Variants in CCL20 observed in about 807,000 individuals in gnomAD.
CCL20 encodes the protein C-C motif chemokine 20.
In CCL20, 8 loss-of-function variants were observed where a neutral mutation model predicts 10.8. The observed-to-expected ratio is 0.74, with a 90% CI of 0.44 to 1.34. The LOEUF (loss-of-function observed/expected upper bound fraction) is 1.34. Ranked by LOEUF, CCL20 falls within the 40% of genes most tolerant of loss-of-function variation. The pLI is 0.01. For synonymous variants in CCL20, 40 were observed against 39.4 expected, an observed-to-expected ratio of 1.02 and a Z score of -0.06; for missense variants, 107 against 117.9, an observed-to-expected ratio of 0.91 and a Z score of 0.43.
intron 3 of CCL20, 146 bp from the exon 4 acceptor site, chr2:227,816,916 C>T (rs555496207): frequency 1.3e-4 from 86 of 666,852 alleles, no homozygotes; most frequent in Non-Finnish European, 2.2e-4. Flanking sequence ...CCTCTCTAAA[C>T]CTCAATTTCC....
At chr2:227,814,045 C>A in intron 1 of CCL20, 58 bp downstream of exon 1, 1 of 1,475,352 alleles carries the variant, frequency 6.8e-7, no homozygotes, top group Non-Finnish European at 9.5e-7. Flanking sequence ...TTCCTTTTAG[C>A]CTTGAGCTCA....
At chr2:227,816,952 A>G (rs1214579452) in intron 3 of CCL20, 110 bp from the exon 4 acceptor site, 1 of 786,258 alleles carries the variant, frequency 1.3e-6, no homozygotes, top group African/African-American at 1.7e-5. Context: ...GCTGCTTGAC[A>G]TACTGAGTTG....
At chr2:227,814,278 G>C (rs1689988922) in intron 1 of CCL20, among the ~76,000 whole-genome samples, 1 of 152,122 alleles carries the variant, frequency 6.6e-6, no homozygotes, top group Admixed American at 6.5e-5. Context: ...TATAAAGTGT[G>C]TAATGTTACC....
chr2:227,813,860 C>CAAAG lies in CCL20; in HGVS notation c.-49_-46dup. ...TGCTGTCAGAATATAACAGCACTCC[C>CAAAG]AAAGAACTGGGTACTCAACACTGAG... On this transcript the variant is annotated 5_prime_UTR_variant, in exon 1 of 4. Transcript: ENST00000358813. The CAAAG allele has an allele frequency of 7.1e-7, 1 of 1,414,656 alleles. No homozygotes were observed. The highest frequency in any genetic ancestry group is 1.0e-6 in the Non-Finnish European group (1 of 998,584). The allele number at this position is 1,414,656 out of a possible 1,614,324, so 87.6% of individuals were successfully genotyped here.
chr2:227,815,320 T>C (rs989892679), intron 1 of CCL20, 134 bp from the exon 2 acceptor site: 4 of 538,162 alleles, frequency 7.4e-6, no homozygotes, highest in Admixed American at 6.8e-5. Context: ...TTGAAACTCC[T>C]CCTCTAAGTG....
In CCL20 at chr2:227,815,517, T is replaced by C; in HGVS notation, c.140T>C (p.Val47Ala). 1.2e-6 allele frequency: 2 copies of C among 1,612,590 alleles called. No homozygotes were observed. Among genetic ancestry groups the C allele is most frequent in the Non-Finnish European group, 1.7e-6 (2 of 1,179,250 alleles). Residue 47 changes from valine to alanine, a missense_variant, in exon 2 of 4, where the codon GTG (valine) becomes GCG (alanine). Val to Ala is a moderately conservative substitution (Grantham distance 64, BLOSUM62 0). Transcript: ENST00000358813. ...CGTATTCTTCATCCTAAATTTATTG[T>C]GGGCTTCACACGGCAGCTGGCCAAT... ...TDRILHPKFI[V>A]GFTRQLANEG...
At chr2:227,815,952 A>G (rs1690019321) in intron 2 of CCL20, 1 of 245,276 alleles carries the variant, frequency 4.1e-6, no homozygotes, top group Non-Finnish European at 7.8e-6. Flanking sequence ...CAGACTAATT[A>G]TACTATCACA....
chr2:227,815,829 G>T (rs2106160549), intron 2 of CCL20: 2 of 323,448 alleles, frequency 6.2e-6, no homozygotes, highest in African/African-American at 2.2e-5. Flanking sequence ...CTAGTATAGG[G>T]CAAAAATCAC....
intron 2 of CCL20, chr2:227,815,987 A>G: frequency 3.6e-6 from 1 of 278,922 alleles, no homozygotes; most frequent in Non-Finnish European, 6.7e-6. Flanking sequence ...TTTATATAGG[A>G]TATTATATTT....
intron 2 of CCL20, 38 bp from the exon 3 acceptor site, chr2:227,816,269 A>G (rs1221671836): frequency 8.2e-7 from 1 of 1,223,442 alleles, no homozygotes; most frequent in Non-Finnish European, 1.2e-6. Context: ...CCCATTGAAA[A>G]GCTCATTAAA....
At chr2:227,814,710 T>C (rs1689997729) in intron 1 of CCL20, among the ~76,000 whole-genome samples, 1 of 151,900 alleles carries the variant, frequency 6.6e-6, no homozygotes, top group Non-Finnish European at 1.5e-5. Context: ...GCCTCTTGAA[T>C]AACAGGGACC....
Position 227,814,558 on chromosome 2 carries a change from G to A in CCL20, c.76+571G>A, listed in dbSNP as rs187816259. ...TAGTCACACAACACTTTTAGCAACA[G>A]GTGCATTCCTAAAAATGCACATTGA... On this transcript the variant is annotated intron_variant, in intron 1 of 3. Coordinates refer to ENST00000358813, the MANE Select transcript of CCL20 (RefSeq NM_004591.3). Among the ~76,000 whole-genome samples, 530 of 149,228 alleles carry A rather than the reference G, an allele frequency of 3.6e-3. 2 individuals carry two copies. Among genetic ancestry groups the A allele is most frequent in the African/African-American group, 0.012 (504 of 40,930 alleles).
At chr2:227,817,036 C>T (rs1690034296) in intron 3 of CCL20, 26 bp from the exon 4 acceptor site, 1 of 1,587,980 alleles carries the variant, frequency 6.3e-7, no homozygotes, top group South Asian at 1.1e-5. Flanking sequence ...TCATTACTTA[C>T]ACTTTTCTTC....
intron 1 of CCL20, among the ~76,000 whole-genome samples, chr2:227,814,834 T>C (rs1003601284): frequency 6.6e-6 from 1 of 151,958 alleles, no homozygotes; most frequent in African/African-American, 2.4e-5. Context: ...CAAGCAATCC[T>C]TCCTCCTTGG....
Position 227,816,337 on chromosome 2 carries a change from C to T in CCL20, c.222C>T (p.Cys74=), listed in dbSNP as rs150823624. ...ACACAAAGAAAAAGTTGTCTGTGTG[C>T]GCAAATCCAAAACAGACTTGGGTGA... The part of the protein sequence containing the change: ...IFHTKKKLSV[C]ANPKQTWVKY... The change falls in exon 3 of 4, where the codon TGC becomes TGT. Residue 74 remains cysteine (C), a synonymous_variant. Transcript: ENST00000358813. The T allele has an allele frequency of 1.3e-3, 2,048 of 1,611,014 alleles. 42 individuals carry two copies. The South Asian group carries it at 0.02, about 16-fold the overall frequency.
At chr2:227,815,416 A>C (rs773818539) in intron 1 of CCL20, 38 bp from the exon 2 acceptor site, 3 of 995,296 alleles carry the variant, frequency 3.0e-6, no homozygotes, top group Non-Finnish European at 4.7e-6. Context: ...AAGTTTATTC[A>C]TGTGGATCCA....
chr2:227,816,429 A>T (rs1470908846), intron 3 of CCL20, 45 bp downstream of exon 3: 3 of 1,175,378 alleles, frequency 2.6e-6, no homozygotes, highest in Non-Finnish European at 3.8e-6. Context: ...TTGAGGAAAG[A>T]GGAGTGTGCA....
chr2:227,814,120 C>G, intron 1 of CCL20, 133 bp downstream of exon 1: 1 of 769,420 alleles, frequency 1.3e-6, no homozygotes, highest in Non-Finnish European at 2.2e-6. Flanking sequence ...TGGAAGTTGT[C>G]TGCCCATGGT....
intron 1 of CCL20, 109 bp downstream of exon 1, chr2:227,814,096 A>G (rs760458812): frequency 1.7e-5 from 16 of 923,256 alleles, no homozygotes; most frequent in Non-Finnish European, 2.7e-5. Flanking sequence ...TAGGAAGTAT[A>G]CAAGAGGTAG....
Sources: allele counts gnomAD v4.1 joint callset (sites outside exome capture counted in the v4.1 genomes callset), GRCh38; gene constraint gnomAD v4.1.1; transcripts MANE v1.5; gene names NCBI Gene and HGNC (gene_info 2026-07-23, HGNC 2026-07-21).